Variants in ST3GAL3 observed in about 807,000 individuals in gnomAD.
The protein encoded by ST3GAL3 is ST3 beta-galactoside alpha-2,3-sialyltransferase 3.
Under a neutral mutation model 50.1 loss-of-function variants are expected in ST3GAL3, and 21 were observed. That is an observed-to-expected ratio of 0.42 (90% CI 0.30 to 0.60). The LOEUF (loss-of-function observed/expected upper bound fraction) is 0.60. ST3GAL3 is among the 20% of genes least tolerant of loss of function. ST3GAL3 has a pLI of 0.19. For missense variants in ST3GAL3, 353 were observed against 489.4 expected, an observed-to-expected ratio of 0.72 and a Z score of 2.63; for synonymous variants, 183 against 190.0, an observed-to-expected ratio of 0.96 and a Z score of 0.30.
chr1:43,837,266 G>T (rs1300203621), intron 4 of ST3GAL3, among the ~76,000 whole-genome samples: 1 of 152,206 alleles, frequency 6.6e-6, no homozygotes, highest in Non-Finnish European at 1.5e-5. Flanking sequence ...ATCACTCCCA[G>T]TGAAGCTGAT....
At chr1:43,742,787 C>T (rs145523840) in intron 2 of ST3GAL3, among the ~76,000 whole-genome samples, 1 of 152,262 alleles carries the variant, frequency 6.6e-6, no homozygotes, top group Non-Finnish European at 1.5e-5. Flanking sequence ...AGTGTAGTAA[C>T]TGAAATGGAA....
At chr1:43,805,511 A>G (rs1406730429) in intron 3 of ST3GAL3, among the ~76,000 whole-genome samples, 1 of 152,212 alleles carries the variant, frequency 6.6e-6, no homozygotes, top group Non-Finnish European at 1.5e-5. Context: ...TAGGCTAACA[A>G]GTTAGATCAG....
intron 1 of ST3GAL3, among the ~76,000 whole-genome samples, chr1:43,710,431 A>G (rs7548155): frequency 0.073 from 11,159 of 152,202 alleles, 1,378 homozygotes; most frequent in African/African-American, 0.26. Flanking sequence ...ATCTGGGGCC[A>G]TTGGACCATT....
intron 2 of ST3GAL3, among the ~76,000 whole-genome samples, chr1:43,779,290 G>T (rs1175584006): frequency 6.6e-6 from 1 of 152,166 alleles, no homozygotes; most frequent in African/African-American, 2.4e-5. Flanking sequence ...TATATGATAT[G>T]CTGTAATAAT....
chr1:43,836,802 C>T (rs932789773), intron 4 of ST3GAL3, among the ~76,000 whole-genome samples: 2 of 152,250 alleles, frequency 1.3e-5, no homozygotes, highest in Non-Finnish European at 2.9e-5. Flanking sequence ...CTTCTCTAGA[C>T]TGCATAGTGC....
chr1:43,837,353 G>C (rs1558516710), intron 4 of ST3GAL3, among the ~76,000 whole-genome samples: 1 of 151,954 alleles, frequency 6.6e-6, no homozygotes, highest in Non-Finnish European at 1.5e-5. Context: ...CAGGCAGAGA[G>C]AGGAAACCAT....
At chr1:43,728,794 CTATATT>C (rs1173221499) in intron 1 of ST3GAL3, among the ~76,000 whole-genome samples, 3 of 152,146 alleles carry the variant, frequency 2.0e-5, no homozygotes, top group Non-Finnish European at 2.9e-5. Flanking sequence ...ACTATCCTCA[CTATATT>C]TATTTTTATG....
intron 2 of ST3GAL3, among the ~76,000 whole-genome samples, chr1:43,765,801 G>GCA (rs1692630384): frequency 2.1e-5 from 3 of 142,966 alleles, no homozygotes; most frequent in Admixed American, 6.7e-5. Flanking sequence ...GCGCGCGCGC[G>GCA]TCCGCGCGTC....
intron 1 of ST3GAL3, among the ~76,000 whole-genome samples, chr1:43,719,923 ACT>A (rs1669511368): frequency 1.6e-5 from 2 of 127,882 alleles, no homozygotes; most frequent in South Asian, 2.9e-4. Context: ...ACAGAGCAAG[ACT>A]CTGTCTCAGA....
At chr1:43,718,994 C>T (rs1037835658) in intron 1 of ST3GAL3, 4 of 152,296 alleles carry the variant, frequency 2.6e-5, no homozygotes, top group Non-Finnish European at 4.4e-5. Flanking sequence ...GGCCTCTTAC[C>T]TGCTTCTAAA....
intron 5 of ST3GAL3, among the ~76,000 whole-genome samples, chr1:43,857,247 A>G (rs1450780093): frequency 1.3e-5 from 2 of 152,204 alleles, no homozygotes; most frequent in Non-Finnish European, 2.9e-5. Context: ...TAGAATCAAA[A>G]GTGATATGAA....
chr1:43,892,398 C>T (rs2076809076), intron 5 of ST3GAL3, among the ~76,000 whole-genome samples: 1 of 152,188 alleles, frequency 6.6e-6, no homozygotes, highest in South Asian at 2.1e-4. Flanking sequence ...GCTGGGACTA[C>T]AGTCTCTGTA....
At chr1:43,736,135 T>C in intron 1 of ST3GAL3, 98 bp from the exon 2 acceptor site, 2 of 1,191,260 alleles carry the variant, frequency 1.7e-6, no homozygotes, top group Non-Finnish European at 1.2e-6. Flanking sequence ...CTCTAAGTTA[T>C]TCTTCATTTG....
intron 2 of ST3GAL3, among the ~76,000 whole-genome samples, chr1:43,764,653 T>C (rs1691871384): frequency 6.6e-6 from 1 of 152,178 alleles, no homozygotes; most frequent in Non-Finnish European, 1.5e-5. Flanking sequence ...GCCCACCCCA[T>C]GGGGACTAGG....
At chr1:43,845,542 T>C (rs2066109396) in intron 5 of ST3GAL3, among the ~76,000 whole-genome samples, 1 of 152,126 alleles carries the variant, frequency 6.6e-6, no homozygotes, top group Non-Finnish European at 1.5e-5. Context: ...TAAATTCATC[T>C]GATTTGAGGT....
At chr1:43,840,075 C>G (rs1484206830) in intron 5 of ST3GAL3, 1 of 149,982 alleles carries the variant, frequency 6.7e-6, no homozygotes, top group Non-Finnish European at 1.5e-5. Flanking sequence ...GTTGCCCAGG[C>G]TGGAGTGCAG....
intron 1 of ST3GAL3, among the ~76,000 whole-genome samples, chr1:43,732,740 C>CA (rs1676484369): frequency 6.6e-6 from 1 of 152,092 alleles, no homozygotes; most frequent in Non-Finnish European, 1.5e-5. Context: ...CTGTTATACT[C>CA]AGAGTTGCTA....
chr1:43,837,634 A>C (rs1488088786), intron 4 of ST3GAL3, among the ~76,000 whole-genome samples: 1 of 152,220 alleles, frequency 6.6e-6, no homozygotes, highest in Non-Finnish European at 1.5e-5. Flanking sequence ...TGGAGCCTTG[A>C]TAGAGCTCCT....
intron 9 of ST3GAL3, among the ~76,000 whole-genome samples, chr1:43,905,329 GTTCCCCTTCCCACCACTCTTCCCC>G (rs2079147745): frequency 2.6e-5 from 2 of 77,994 alleles, no homozygotes; most frequent in African/African-American, 5.5e-5. Flanking sequence ...CCCTCCTCCT[GTTCCCCTTCCCACCACTCTTCCCC>G]CTCCTCCTTC....
Sources: allele counts gnomAD v4.1 joint callset (sites outside exome capture counted in the v4.1 genomes callset), GRCh38; gene constraint gnomAD v4.1.1; transcripts MANE v1.5; gene names NCBI Gene and HGNC (gene_info 2026-07-23, HGNC 2026-07-21).